The following USP15 variants were observed in gnomAD, a reference collection of about 807,000 sequenced individuals.
The protein encoded by USP15 is ubiquitin carboxyl-terminal hydrolase 15.
Under a neutral mutation model 127.1 loss-of-function variants are expected in USP15, and 18 were observed. The observed-to-expected ratio is 0.14, with a 90% confidence interval of 0.10 to 0.21. The LOEUF is 0.21. Among genes scored for constraint, USP15 ranks in the 10% least tolerant of loss-of-function variants. The probability of loss-of-function intolerance (pLI) is 1.00; values close to 1 mark genes in which losing one functional copy is unlikely to be tolerated. For synonymous variants in USP15, 364 were observed against 393.7 expected (o/e 0.92, Z 0.89); for missense variants, 805 against 1,159.9 (o/e 0.69, Z 4.44).
chr12:62,329,637 A>G (rs1365325228), intron 6 of USP15, among the ~76,000 whole-genome samples: 1 of 152,218 alleles, frequency 6.6e-6, no homozygotes, highest in African/African-American at 2.4e-5. Context: ...TAGGTAAAAG[A>G]TACTAACAGA....
intron 1 of USP15, among the ~76,000 whole-genome samples, chr12:62,262,049 G>A (rs576818115): frequency 6.6e-5 from 10 of 152,014 alleles, no homozygotes; most frequent in Non-Finnish European, 1.2e-4. Flanking sequence ...GACCAGCCTG[G>A]GCACCATGGT....
intron 3 of USP15, among the ~76,000 whole-genome samples, chr12:62,307,823 G>A (rs143612729): frequency 8.5e-5 from 13 of 152,150 alleles, no homozygotes; most frequent in African/African-American, 3.1e-4. Flanking sequence ...ATAATGCAGC[G>A]TTACAATGTA....
intron 3 of USP15, chr12:62,305,858 C>T (rs1372239849): frequency 6.6e-6 from 1 of 152,174 alleles, no homozygotes; most frequent in Non-Finnish European, 1.5e-5. Context: ...TGGTACATCG[C>T]TTTCGAGATT....
At chr12:62,344,261 C>T (rs768278282) in intron 6 of USP15, among the ~76,000 whole-genome samples, 2 of 152,202 alleles carry the variant, frequency 1.3e-5, no homozygotes, top group Non-Finnish European at 2.9e-5. Flanking sequence ...TGGGTCAACA[C>T]AGCCATTCCA....
intron 20 of USP15, among the ~76,000 whole-genome samples, chr12:62,399,097 T>C: frequency 6.6e-6 from 1 of 152,336 alleles, no homozygotes; most frequent in Middle Eastern, 3.4e-3. Flanking sequence ...AATGTGTCTC[T>C]TATAGATCAC....
intron 1 of USP15, among the ~76,000 whole-genome samples, chr12:62,289,093 A>G (rs1260667962): frequency 6.6e-6 from 1 of 152,156 alleles, no homozygotes; most frequent in East Asian, 1.9e-4. Flanking sequence ...TCCGGGTGAC[A>G]CTGGCCTTGT....
intron 4 of USP15, among the ~76,000 whole-genome samples, chr12:62,316,947 C>T (rs1288344101): frequency 1.3e-5 from 2 of 152,038 alleles, no homozygotes; most frequent in Admixed American, 6.6e-5. Flanking sequence ...TGTACTTTAA[C>T]ATTATATATG....
intron 3 of USP15, chr12:62,312,312 A>G: frequency 2.9e-6 from 1 of 343,988 alleles, no homozygotes. Flanking sequence ...GAATGAAGGT[A>G]AAGTTTCCAT....
chr12:62,382,999 A>G (rs972890137), intron 9 of USP15, among the ~76,000 whole-genome samples: 2 of 152,002 alleles, frequency 1.3e-5, no homozygotes, highest in African/African-American at 2.4e-5. Context: ...AATGAAATCT[A>G]TGACCAAACA....
intron 8 of USP15, among the ~76,000 whole-genome samples, chr12:62,364,379 A>G (rs746159371): frequency 6.7e-4 from 102 of 152,296 alleles, no homozygotes; most frequent in Non-Finnish European, 1.1e-3. Flanking sequence ...GTATAAATGT[A>G]TTCACTTGAA....
At chr12:62,269,885 A>C (rs1380508510) in intron 1 of USP15, among the ~76,000 whole-genome samples, 3 of 152,032 alleles carry the variant, frequency 2.0e-5, no homozygotes, top group African/African-American at 4.8e-5. Context: ...ATCCATTACA[A>C]GTTTTCATTT....
intron 8 of USP15, among the ~76,000 whole-genome samples, chr12:62,364,411 G>T (rs2066415449): frequency 6.6e-6 from 1 of 152,112 alleles, no homozygotes; most frequent in Non-Finnish European, 1.5e-5. Context: ...ACAATGTTCA[G>T]TTGCATGGTG....
At chr12:62,315,075 T>A (rs904448427) in intron 4 of USP15, 159 bp downstream of exon 4, 6 of 678,238 alleles carry the variant, frequency 8.8e-6, no homozygotes, top group Non-Finnish European at 1.3e-5. Context: ...AATTATTTAT[T>A]GTTTCTTGTA....
intron 19 of USP15, among the ~76,000 whole-genome samples, chr12:62,395,924 G>A (rs973343795): frequency 5.9e-5 from 9 of 151,852 alleles, no homozygotes; most frequent in African/African-American, 2.2e-4. Flanking sequence ...CATCAACATT[G>A]CAACACATAG....
intron 19 of USP15, 131 bp from the exon 20 acceptor site, chr12:62,396,164 A>G: frequency 2.5e-6 from 1 of 397,522 alleles, no homozygotes; most frequent in Non-Finnish European, 4.3e-6. Context: ...ATATATATAT[A>G]TATAGATAGA....
intron 8 of USP15, among the ~76,000 whole-genome samples, chr12:62,369,614 C>T (rs1051446908): frequency 2.0e-5 from 3 of 151,900 alleles, no homozygotes; most frequent in African/African-American, 7.3e-5. Flanking sequence ...AATTATATAC[C>T]GGATTTGGTG....
intron 5 of USP15, among the ~76,000 whole-genome samples, chr12:62,325,163 T>C (rs2137297274): frequency 6.6e-6 from 1 of 152,114 alleles, no homozygotes; most frequent in Middle Eastern, 3.4e-3. Context: ...GACTGGACGA[T>C]ATAAGGAAAG....
At chr12:62,264,992 A>G (rs2063160110) in intron 1 of USP15, among the ~76,000 whole-genome samples, 1 of 152,194 alleles carries the variant, frequency 6.6e-6, no homozygotes, top group East Asian at 1.9e-4. Flanking sequence ...ACCTTAAGGC[A>G]TGTTTCACAT....
chr12:62,384,416 G>T (rs1229486917), intron 11 of USP15, 114 bp downstream of exon 11: 2 of 792,704 alleles, frequency 2.5e-6, no homozygotes, highest in Non-Finnish European at 3.8e-6. Context: ...GAATTATCAA[G>T]CCCAATCAAT....
Sources: gnomAD v4.1 joint callset for allele counts (sites outside exome capture counted in the v4.1 genomes callset) on GRCh38, gnomAD v4.1.1 for gene constraint, MANE v1.5 for transcripts, NCBI Gene and HGNC (gene_info 2026-07-23, HGNC 2026-07-21) for gene names.